Variants in DUS2 observed in about 807,000 individuals in gnomAD.
DUS2 encodes tRNA-dihydrouridine(20) synthase [NAD(P)+]-like.
A neutral mutation model predicts 71.3 loss-of-function variants in DUS2; 52 were observed. The observed-to-expected ratio is 0.73, with a 90% CI of 0.58 to 0.92. The LOEUF is 0.92. DUS2 is among the 40% of genes least tolerant of loss of function. The pLI is 0.00. For missense variants in DUS2, 558 were observed against 622.6 expected, an observed-to-expected ratio of 0.90 and a Z score of 1.10; for synonymous variants, 204 against 227.8, an observed-to-expected ratio of 0.90 and a Z score of 0.94.
At chr16:68,068,357 G>A (rs748984672) in intron 10 of DUS2, among the ~76,000 whole-genome samples, 14 of 152,146 alleles carry the variant, frequency 9.2e-5, no homozygotes, top group Non-Finnish European at 1.6e-4. Flanking sequence ...ACACATATGC[G>A]CCTTCCCAAG....
intron 3 of DUS2, among the ~76,000 whole-genome samples, chr16:68,043,045 A>T (rs1163790085): frequency 6.6e-6 from 1 of 152,000 alleles, no homozygotes; most frequent in Non-Finnish European, 1.5e-5. Context: ...TAGAGACAGG[A>T]TTTCGCTATG....
intron 2 of DUS2, among the ~76,000 whole-genome samples, chr16:68,026,008 C>T (rs752600966): frequency 6.6e-6 from 1 of 152,096 alleles, no homozygotes; most frequent in Non-Finnish European, 1.5e-5. Flanking sequence ...GGGTTAAGGC[C>T]TAGACAAGGT....
At position 68,066,546 on chromosome 16, in the gene DUS2, T is replaced by C; in HGVS notation, c.484-20T>C. The C allele has an allele frequency of 1.2e-6, 2 of 1,613,788 alleles. No homozygotes were observed. The highest frequency in any genetic ancestry group is 1.7e-6 in the Non-Finnish European group (2 of 1,179,656). ...CCTTCTGGAGCTTCAGTAACCATCCTGTGTGGTCCTCCTCCTCAGCTAGAA... is the reference window on the plus strand; with the variant it reads ...CCTTCTGGAGCTTCAGTAACCATCCCGTGTGGTCCTCCTCCTCAGCTAGAA... On this transcript the variant is annotated intron_variant, in intron 9 of 16. Coordinates refer to ENST00000565263, the MANE Select transcript of DUS2 (RefSeq NM_017803.5).
intron 7 of DUS2, among the ~76,000 whole-genome samples, chr16:68,056,988 T>C (rs1192676859): frequency 1.4e-5 from 2 of 140,284 alleles, no homozygotes; most frequent in Non-Finnish European, 3.0e-5. Context: ...ATATATACAA[T>C]AAATATATAA....
At position 68,038,092 on chromosome 16, in the gene DUS2, G is replaced by T; in HGVS notation, c.69G>T (p.Gly23=). 6.2e-7 allele frequency: 1 copy of T among 1,613,928 alleles called. No homozygotes were observed. Among genetic ancestry groups the T allele is most frequent in the Non-Finnish European group, 8.5e-7 (1 of 1,179,950 alleles). ...TCCTGGCCCCAATGGTTCGGGTAGGGACTCTTCCAATGAGGCTGCTGGCCC... is the reference window on the plus strand; with the variant it reads ...TCCTGGCCCCAATGGTTCGGGTAGGTACTCTTCCAATGAGGCTGCTGGCCC... ...KLILAPMVRV[G]TLPMRLLALD... The change falls in exon 3 of 17, where the codon GGG becomes GGT. Residue 23 remains glycine, a synonymous_variant. Transcript: ENST00000565263.
At chr16:68,037,167 G>GT (rs746737842) in intron 2 of DUS2, among the ~76,000 whole-genome samples, 2,768 of 136,090 alleles carry the variant, frequency 0.02, 49 homozygotes, top group African/African-American at 0.051. Context: ...ATTTTTGTCT[G>GT]TTTTTTTTTT....
intron 3 of DUS2, among the ~76,000 whole-genome samples, chr16:68,042,765 A>T (rs368019650): frequency 1.3e-5 from 2 of 151,758 alleles, no homozygotes; most frequent in African/African-American, 4.8e-5. Flanking sequence ...CTGGAGTGCC[A>T]TGGCGTGATC....
intron 11 of DUS2, 65 bp downstream of exon 11, chr16:68,070,285 G>GC: frequency 3.3e-6 from 5 of 1,500,850 alleles, no homozygotes; most frequent in Non-Finnish European, 4.6e-6. Flanking sequence ...TGGTAGCCAG[G>GC]CCCAGCCTTC....
At position 68,078,942 on chromosome 16, in the gene DUS2, G is replaced by A. The variant is rs2034199401; in HGVS notation, c.1438G>A (p.Val480Met). The A allele has an allele frequency of 6.3e-7, 1 of 1,598,310 alleles. No homozygotes were observed. The highest frequency in any genetic ancestry group is 2.2e-5 in the East Asian group (1 of 44,556). ...QPGDLCKKPFVALGSGEESPL... is the reference protein window; with the variant it reads ...QPGDLCKKPFMALGSGEESPL... ...TGGGGATCTGTGCAAGAAGCCCTTTGTGGCCTTGGGAAGTGGTGAAGAAAG... is the reference window on the plus strand; with the variant it reads ...TGGGGATCTGTGCAAGAAGCCCTTTATGGCCTTGGGAAGTGGTGAAGAAAG... The change falls in exon 17 of 17, where the codon GTG (valine) becomes ATG (methionine). Residue 480 changes from valine to methionine, a missense_variant. By Grantham distance (21) the Val-to-Met change is conservative (BLOSUM62 1). Coordinates refer to ENST00000565263, the MANE Select transcript of DUS2 (RefSeq NM_017803.5).
In DUS2 at chr16:68,038,135, AT is replaced by A; in HGVS notation, c.114del (p.Ile38MetfsTer7). The A allele has an allele frequency of 6.2e-7, 1 of 1,613,624 alleles. No homozygotes were observed. Among genetic ancestry groups the A allele is most frequent in the Non-Finnish European group, 8.5e-7 (1 of 1,179,824 alleles). ...RLLALDYGAD[I>X]VYCEELIDLK... Reference sequence around the variant, plus strand: ...GCTGGCCCTGGATTATGGAGCGGACATTGTTTACTGTGAGGTAAGGGGCTCT... The same window carrying A: ...GCTGGCCCTGGATTATGGAGCGGACATGTTTACTGTGAGGTAAGGGGCTCT... On this transcript the variant is annotated frameshift_variant, in exon 3 of 17. Coordinates refer to ENST00000565263, the MANE Select transcript of DUS2 (RefSeq NM_017803.5). LOFTEE classifies it high-confidence loss of function.
At position 68,027,523 on chromosome 16, in the gene DUS2, G is replaced by A. The variant is rs1461952106; in HGVS notation, c.-19+2029G>A. On this transcript the variant is annotated intron_variant, in intron 2 of 16. Coordinates refer to ENST00000565263, the MANE Select transcript of DUS2 (RefSeq NM_017803.5). Reference sequence around the variant, plus strand: ...CTCCCAAAGTGCTGGGATTACAGGCGTGAGCCACCTCACCCGGCTGCCATT... The same window carrying A: ...CTCCCAAAGTGCTGGGATTACAGGCATGAGCCACCTCACCCGGCTGCCATT... 5.3e-5 allele frequency among the ~76,000 whole-genome samples: 8 copies of A among 152,254 alleles called. No homozygotes were observed. The East Asian group carries it at 7.7e-4, about 15-fold the overall frequency.
intron 3 of DUS2, 76 bp from the exon 4 acceptor site, chr16:68,049,429 A>G: frequency 6.8e-7 from 1 of 1,472,898 alleles, no homozygotes; most frequent in Non-Finnish European, 9.5e-7. Flanking sequence ...GATCCTCATT[A>G]GGTGTGTGAT....
chr16:68,042,364 C>T (rs2033637452), intron 3 of DUS2, among the ~76,000 whole-genome samples: 1 of 152,110 alleles, frequency 6.6e-6, no homozygotes, highest in Non-Finnish European at 1.5e-5. Context: ...GCTTTTAATT[C>T]TTTTGATTAT....
chr16:68,074,248 C>CATCT, intron 13 of DUS2, 93 bp downstream of exon 13: 1 of 1,500,946 alleles, frequency 6.7e-7, no homozygotes, highest in Non-Finnish European at 9.1e-7. Context: ...GGACCAGGGA[C>CATCT]ACAGCTTCTG....
intron 14 of DUS2, among the ~76,000 whole-genome samples, 158 bp downstream of exon 14, chr16:68,075,662 A>C (rs1014700939): frequency 4.6e-5 from 7 of 152,156 alleles, no homozygotes; most frequent in Non-Finnish European, 1.0e-4. Context: ...ATCCCATAGA[A>C]GGTGCTTTCA....
intron 1 of DUS2, 130 bp downstream of exon 1, chr16:68,023,481 G>A: frequency 2.2e-6 from 1 of 462,378 alleles, no homozygotes; most frequent in Non-Finnish European, 4.0e-6. Flanking sequence ...TGGACCATGA[G>A]GGCGGAGGGC....
chr16:68,050,632 C>T (rs1279636733), intron 4 of DUS2, among the ~76,000 whole-genome samples: 2 of 152,072 alleles, frequency 1.3e-5, no homozygotes, highest in Non-Finnish European at 2.9e-5. Flanking sequence ...ATATATCCCT[C>T]TTCTAGGTTG....
intron 4 of DUS2, among the ~76,000 whole-genome samples, chr16:68,052,953 AT>A (rs1192656993): frequency 7.1e-6 from 1 of 140,362 alleles, no homozygotes; most frequent in African/African-American, 2.7e-5. Flanking sequence ...ATGTATGTAC[AT>A]TTTGTTTCAA....
intron 2 of DUS2, among the ~76,000 whole-genome samples, chr16:68,032,924 A>AAAG (rs1227257342): frequency 1.3e-5 from 2 of 149,000 alleles, no homozygotes; most frequent in East Asian, 2.0e-4. Context: ...AAAAAAAAAA[A>AAAG]AAAAAAAGGG....
Sources: gnomAD v4.1 joint callset for allele counts (sites outside exome capture counted in the v4.1 genomes callset) on GRCh38, gnomAD v4.1.1 for gene constraint, MANE v1.5 for transcripts, NCBI Gene and HGNC (gene_info 2026-07-23, HGNC 2026-07-21) for gene names.